LEF1: variants seen among roughly 807,000 people sequenced by gnomAD.
The protein encoded by LEF1 is lymphoid enhancer-binding factor 1.
Under a neutral mutation model 51.2 loss-of-function variants are expected in LEF1, and 14 were observed. That is an observed-to-expected ratio of 0.27 (90% CI 0.18 to 0.43). The LOEUF is 0.43. Ranked by LOEUF, LEF1 falls within the 20% of genes least tolerant of loss-of-function variation. The pLI is 1.00. For synonymous variants in LEF1, 185 were observed against 183.2 expected (o/e 1.01, Z -0.08); for missense variants, 386 against 512.0 (o/e 0.75, Z 2.37).
intron 3 of LEF1, among the ~76,000 whole-genome samples, chr4:108,102,151 G>A (rs1740868639): frequency 6.6e-6 from 1 of 152,054 alleles, no homozygotes; most frequent in Non-Finnish European, 1.5e-5. Flanking sequence ...ATTGCTGATG[G>A]TAGGCACTGG....
chr4:108,091,452 GGGA>G (rs78742891), intron 3 of LEF1, among the ~76,000 whole-genome samples: 202 of 112,186 alleles, frequency 1.8e-3, no homozygotes, highest in Non-Finnish European at 3.9e-3. Flanking sequence ...TTACGGGGGG[GGGA>G]AAAAAAAGGA....
chr4:108,085,588 G>GAT (rs1739588867), intron 4 of LEF1, among the ~76,000 whole-genome samples: 1 of 152,184 alleles, frequency 6.6e-6, no homozygotes, highest in Non-Finnish European at 1.5e-5. Flanking sequence ...CAGCAGTAGT[G>GAT]ATACTGTTCA....
intron 3 of LEF1, among the ~76,000 whole-genome samples, chr4:108,119,906 G>A (rs1742055753): frequency 6.6e-6 from 1 of 151,658 alleles, no homozygotes; most frequent in Non-Finnish European, 1.5e-5. Flanking sequence ...TTATTAATTT[G>A]CTTAAAAAAC....
intron 3 of LEF1, among the ~76,000 whole-genome samples, chr4:108,135,286 C>G (rs1018743176): frequency 6.6e-6 from 1 of 152,202 alleles, no homozygotes; most frequent in Non-Finnish European, 1.5e-5. Context: ...ACTGAGTGTA[C>G]TTCAAAACCC....
rs1011808528 is a variant in LEF1, at chr4:108,105,977, A to T, written c.415-16720T>A. Among the ~76,000 whole-genome samples, 8 of 152,176 alleles carry T rather than the reference A, an allele frequency of 5.3e-5. No homozygotes were observed. In the South Asian group the frequency reaches 1.7e-3, roughly 32 times the overall value. The stretch of plus-strand genomic sequence containing the variant: ...AGTCAATGACGAAAGTGATATTCAG[A>T]CAAGTCAGGCAGCTGGGTCTGCAGT... On this transcript the variant is annotated intron_variant, in intron 3 of 11. Coordinates refer to ENST00000265165, the MANE Select transcript of LEF1 (RefSeq NM_016269.5).
chr4:108,100,505 C>A (rs1740750278), intron 3 of LEF1, among the ~76,000 whole-genome samples: 1 of 152,086 alleles, frequency 6.6e-6, no homozygotes, highest in Admixed American at 6.6e-5. Flanking sequence ...AAATTTTCCT[C>A]CTGAAGTTTA....
At chr4:108,110,842 C>A (rs1741488842) in intron 3 of LEF1, among the ~76,000 whole-genome samples, 1 of 152,206 alleles carries the variant, frequency 6.6e-6, no homozygotes, top group Admixed American at 6.5e-5. Flanking sequence ...AAGCACACTG[C>A]AATCTTTCCT....
At chr4:108,064,786 A>G (rs751175032) in intron 9 of LEF1, among the ~76,000 whole-genome samples, 70 of 152,162 alleles carry the variant, frequency 4.6e-4, no homozygotes, top group Non-Finnish European at 3.7e-4. Flanking sequence ...AGCTGTGGCC[A>G]TAGGACCCTC....
chr4:108,060,958 G>A (rs539783818), intron 11 of LEF1, among the ~76,000 whole-genome samples: 2 of 152,196 alleles, frequency 1.3e-5, no homozygotes, highest in South Asian at 2.1e-4. Context: ...GGAAGGGGTG[G>A]GGGTACAACA....
intron 3 of LEF1, among the ~76,000 whole-genome samples, chr4:108,137,813 A>G (rs1743393802): frequency 6.6e-6 from 1 of 152,192 alleles, no homozygotes; most frequent in Admixed American, 6.5e-5. Flanking sequence ...TGTAATAAAA[A>G]CTTAATATTG....
chr4:108,103,599 T>C (rs1430524350), intron 3 of LEF1, among the ~76,000 whole-genome samples: 1 of 152,248 alleles, frequency 6.6e-6, no homozygotes, highest in African/African-American at 2.4e-5. Context: ...AATTTGGATA[T>C]ATCTATTAAA....
intron 2 of LEF1, among the ~76,000 whole-genome samples, chr4:108,164,689 C>A (rs1415071785): frequency 6.6e-6 from 1 of 152,106 alleles, no homozygotes; most frequent in Non-Finnish European, 1.5e-5. Context: ...CAAGAAACAG[C>A]AATTTTGCAA....
chr4:108,126,818 A>AG (rs1197456205), intron 3 of LEF1, among the ~76,000 whole-genome samples: 1 of 151,230 alleles, frequency 6.6e-6, no homozygotes, highest in African/African-American at 2.4e-5. Context: ...AAAAAAAAAA[A>AG]AAAAAAGAAT....
chr4:108,154,338 T>C (rs1381483754), intron 3 of LEF1, among the ~76,000 whole-genome samples: 1 of 150,442 alleles, frequency 6.6e-6, no homozygotes, highest in Non-Finnish European at 1.5e-5. Flanking sequence ...GATCCTTGTC[T>C]TTAACACCGG....
intron 7 of LEF1, among the ~76,000 whole-genome samples, chr4:108,078,995 G>C (rs2126286359): frequency 6.6e-6 from 1 of 152,208 alleles, no homozygotes; most frequent in East Asian, 1.9e-4. Flanking sequence ...AATTAATTTA[G>C]GCCTGCACTC....
intron 3 of LEF1, among the ~76,000 whole-genome samples, chr4:108,143,218 A>C (rs1375518219): frequency 6.6e-6 from 1 of 152,202 alleles, no homozygotes; most frequent in South Asian, 2.1e-4. Context: ...TGCCTACTTC[A>C]GTTTACTGGG....
At chr4:108,084,195 T>C (rs1739496429) in intron 4 of LEF1, among the ~76,000 whole-genome samples, 1 of 152,166 alleles carries the variant, frequency 6.6e-6, no homozygotes, top group South Asian at 2.1e-4. Context: ...CTTTATACCT[T>C]ACCCTAGGTA....
chr4:108,113,012 C>T (rs1269127865), intron 3 of LEF1, among the ~76,000 whole-genome samples: 1 of 152,074 alleles, frequency 6.6e-6, no homozygotes, highest in African/African-American at 2.4e-5. Context: ...TGGCAGAAGC[C>T]CAGGAATGGA....
chr4:108,152,906 T>C (rs1744441451), intron 3 of LEF1, among the ~76,000 whole-genome samples: 1 of 152,234 alleles, frequency 6.6e-6, no homozygotes, highest in Admixed American at 6.5e-5. Flanking sequence ...TGGTAGCATC[T>C]AGGTATATGG....
Sources: gnomAD v4.1 joint callset for allele counts (sites outside exome capture counted in the v4.1 genomes callset) on GRCh38, gnomAD v4.1.1 for gene constraint, MANE v1.5 for transcripts, NCBI Gene and HGNC (gene_info 2026-07-23, HGNC 2026-07-21) for gene names.